CNTN4: variants seen among roughly 807,000 people sequenced by gnomAD.
CNTN4 encodes contactin-4.
In CNTN4, 77 loss-of-function variants were observed where a neutral mutation model predicts 122.5. The observed-to-expected ratio is 0.63, with a 90% CI of 0.52 to 0.76. CNTN4 has a LOEUF of 0.76. Among genes scored for constraint, CNTN4 ranks in the 30% least tolerant of loss-of-function variants. The pLI, the probability that CNTN4 is intolerant of heterozygous loss-of-function variation, is 0.00. For synonymous variants in CNTN4, 512 were observed against 447.0 expected (o/e 1.15, Z -1.83); for missense variants, 1,256 against 1,259.1 (o/e 1.00, Z 0.04).
chr3:2,664,353 A>G (rs2084045382), intron 4 of CNTN4, among the ~76,000 whole-genome samples: 1 of 152,144 alleles, frequency 6.6e-6, no homozygotes, highest in Non-Finnish European at 1.5e-5. Flanking sequence ...TTTCTGTGGG[A>G]AACACTTCTA....
At chr3:2,168,554 A>G (rs1219390269) in intron 2 of CNTN4, among the ~76,000 whole-genome samples, 1 of 152,080 alleles carries the variant, frequency 6.6e-6, no homozygotes, top group Non-Finnish European at 1.5e-5. Context: ...CTAGAAAATG[A>G]CATTATAAAA....
intron 3 of CNTN4, among the ~76,000 whole-genome samples, chr3:2,489,990 G>A (rs915908928): frequency 6.6e-6 from 1 of 151,910 alleles, no homozygotes; most frequent in Non-Finnish European, 1.5e-5. Context: ...TTGTAAATAG[G>A]GGAATGTGAA....
At chr3:2,892,860 G>A (rs1020026953) in intron 10 of CNTN4, among the ~76,000 whole-genome samples, 1 of 152,126 alleles carries the variant, frequency 6.6e-6, no homozygotes, top group South Asian at 2.1e-4. Context: ...TATAATTAAG[G>A]AAAATAAGAT....
chr3:2,357,022 C>T (rs2044901513), intron 3 of CNTN4, among the ~76,000 whole-genome samples: 1 of 152,138 alleles, frequency 6.6e-6, no homozygotes, highest in South Asian at 2.1e-4. Flanking sequence ...TTTATTATTA[C>T]AACTTGATAA....
intron 14 of CNTN4, among the ~76,000 whole-genome samples, chr3:3,023,563 A>C (rs1357446752): frequency 6.6e-6 from 1 of 152,210 alleles, no homozygotes; most frequent in East Asian, 1.9e-4. Context: ...CCTTGCTGCT[A>C]GCCCAAAAGT....
intron 3 of CNTN4, among the ~76,000 whole-genome samples, chr3:2,415,343 C>T (rs947968825): frequency 6.6e-6 from 1 of 151,980 alleles, no homozygotes. Context: ...CCTGTGCTCT[C>T]TGTGTAAGAG....
In CNTN4 at chr3:2,545,456, G is replaced by A. The variant is rs60094999; in HGVS notation, c.-88-25960G>A. Reference sequence around the variant, plus strand: ...AATTATCTGTCTAATGCTGTCAGTCGGGTGTTGAAGTCTCCCACTATTATT... The same window carrying A: ...AATTATCTGTCTAATGCTGTCAGTCAGGTGTTGAAGTCTCCCACTATTATT... On this transcript the variant is annotated intron_variant, in intron 3 of 24. Coordinates refer to ENST00000418658, the MANE Select transcript of CNTN4 (RefSeq NM_175607.3). Among the ~76,000 whole-genome samples the A allele has an allele frequency of 3.9e-3, 597 of 152,026 alleles. 2 individuals are homozygous for A. The highest frequency in any genetic ancestry group is 0.014 in the African/African-American group (567 of 41,458).
chr3:2,591,404 G>C (rs1181989711), intron 4 of CNTN4, among the ~76,000 whole-genome samples: 1 of 41,994 alleles, frequency 2.4e-5, no homozygotes, highest in Non-Finnish European at 5.2e-5. Context: ...TCGCTCTGTC[G>C]CCCAGGCTGG....
intron 3 of CNTN4, among the ~76,000 whole-genome samples, chr3:2,465,334 C>T (rs1255545958): frequency 6.6e-6 from 1 of 152,044 alleles, no homozygotes; most frequent in African/African-American, 2.4e-5. Flanking sequence ...TTTTAAATTT[C>T]AGCAAAGATC....
intron 2 of CNTN4, among the ~76,000 whole-genome samples, chr3:2,314,283 AATT>A (rs1311546969): frequency 2.6e-5 from 4 of 152,018 alleles, no homozygotes; most frequent in African/African-American, 9.7e-5. Context: ...AGAATTCTAA[AATT>A]ATCCTGAAGT....
intron 2 of CNTN4, among the ~76,000 whole-genome samples, chr3:2,253,964 C>T (rs762698784): frequency 1.3e-4 from 20 of 152,154 alleles, no homozygotes; most frequent in Admixed American, 7.9e-4. Context: ...TAGGTATACA[C>T]GTGCCATGTT....
chr3:2,177,004 A>G (rs1020955551), intron 2 of CNTN4, among the ~76,000 whole-genome samples: 5 of 152,178 alleles, frequency 3.3e-5, no homozygotes, highest in African/African-American at 1.2e-4. Context: ...ATAAAGGTAA[A>G]AAAATCACTC....
intron 3 of CNTN4, among the ~76,000 whole-genome samples, chr3:2,395,541 A>T (rs2046610729): frequency 6.6e-6 from 1 of 152,154 alleles, no homozygotes; most frequent in African/African-American, 2.4e-5. Flanking sequence ...GATCGATCTC[A>T]TCACCCACGC....
Position 2,736,277 on chromosome 3 carries a change from G to C in CNTN4, c.118G>C (p.Asp40His). The change falls in exon 5 of 25, where the codon GAT (aspartate) becomes CAT (histidine). Residue 40 changes from aspartate (D) to histidine (H), a missense_variant. Coordinates refer to ENST00000418658, the MANE Select transcript of CNTN4 (RefSeq NM_175607.3). Reference sequence around the variant, plus strand: ...ACCAAGTCCTGTAATGTTCCCTTTGGATTCTGAGGAGAAAAAAGTGAAGCT... The same window carrying C: ...ACCAAGTCCTGTAATGTTCCCTTTGCATTCTGAGGAGAAAAAAGTGAAGCT... ...QEPSPVMFPLDSEEKKVKLNC... is the reference protein window; with the variant it reads ...QEPSPVMFPLHSEEKKVKLNC... 6.2e-7 allele frequency: 1 copy of C among 1,613,578 alleles called. No individual in the cohort carries two copies. Among genetic ancestry groups the C allele is most frequent in the Non-Finnish European group, 8.5e-7 (1 of 1,179,740 alleles).
intron 7 of CNTN4, among the ~76,000 whole-genome samples, chr3:2,843,068 T>C (rs1012292069): frequency 5.9e-5 from 9 of 152,164 alleles, no homozygotes; most frequent in African/African-American, 2.2e-4. Flanking sequence ...TTGACTTACA[T>C]ATCCATTTCC....
At chr3:2,509,561 G>C (rs924652061) in intron 3 of CNTN4, among the ~76,000 whole-genome samples, 1 of 152,098 alleles carries the variant, frequency 6.6e-6, no homozygotes, top group Non-Finnish European at 1.5e-5. Flanking sequence ...GATCTGTTTT[G>C]GGGATACTTG....
intron 10 of CNTN4, chr3:2,892,151 C>G (rs947283562): frequency 6.6e-6 from 1 of 152,194 alleles, no homozygotes; most frequent in Non-Finnish European, 1.5e-5. Context: ...GCTAGAGGTT[C>G]TGAAACTTCA....
chr3:2,332,638 G>T (rs1234948840), intron 2 of CNTN4, among the ~76,000 whole-genome samples: 1 of 149,180 alleles, frequency 6.7e-6, no homozygotes, highest in Non-Finnish European at 1.5e-5. Flanking sequence ...ACCAAACACC[G>T]CATATTGTCA....
intron 3 of CNTN4, among the ~76,000 whole-genome samples, chr3:2,463,717 C>A (rs955975777): frequency 1.3e-5 from 2 of 151,844 alleles, no homozygotes; most frequent in African/African-American, 4.8e-5. Flanking sequence ...CAAGATCGTG[C>A]GAATTCACTC....
Sources: allele counts gnomAD v4.1 joint callset (sites outside exome capture counted in the v4.1 genomes callset), GRCh38; gene constraint gnomAD v4.1.1; transcripts MANE v1.5; gene names NCBI Gene and HGNC (gene_info 2026-07-23, HGNC 2026-07-21).